The following PRELID2 variants were observed in gnomAD, a reference collection of about 807,000 sequenced individuals.
PRELID2 encodes PRELI domain-containing protein 2.
PRELID2 carries 25 observed loss-of-function variants against 28.4 expected under a neutral mutation model. That is an observed-to-expected ratio of 0.88 (90% confidence interval 0.64 to 1.23). The LOEUF is 1.23. PRELID2 is among the 50% of genes most tolerant of loss of function. The pLI is 0.00. For missense variants in PRELID2, 201 were observed against 214.4 expected, an observed-to-expected ratio of 0.94 and a Z score of 0.39; for synonymous variants, 76 against 71.6, an observed-to-expected ratio of 1.06 and a Z score of -0.31.
At chr5:145,314,953 T>A in the PRELID2 span, among the ~76,000 whole-genome samples, 4 of 152,028 alleles carry the variant, frequency 2.6e-5, no homozygotes, top group African/African-American at 4.8e-5. Flanking sequence ...TTCTAATTTT[T>A]ATTGTATGGC....
At chr5:145,292,595 A>C in the PRELID2 span, among the ~76,000 whole-genome samples, 1 of 152,198 alleles carries the variant, frequency 6.6e-6, no homozygotes, top group African/African-American at 2.4e-5. Context: ...AATTCAGTGA[A>C]TAACGTAAGG....
the PRELID2 span, among the ~76,000 whole-genome samples, chr5:145,355,373 T>A: frequency 6.6e-6 from 1 of 152,166 alleles, no homozygotes; most frequent in Non-Finnish European, 1.5e-5. Flanking sequence ...AAGTATTTTT[T>A]AAGAATTTTT....
At chr5:145,348,093 A>G in the PRELID2 span, among the ~76,000 whole-genome samples, 2 of 152,166 alleles carry the variant, frequency 1.3e-5, no homozygotes, top group African/African-American at 4.8e-5. Flanking sequence ...GAGGTCCTCT[A>G]TGTCAGCAAG....
At chr5:145,445,719 G>A in the PRELID2 span, among the ~76,000 whole-genome samples, 11 of 137,880 alleles carry the variant, frequency 8.0e-5, no homozygotes, top group East Asian at 1.0e-3. Context: ...ATGGGCAAAC[G>A]ATCTGAACAG....
intron 1 of PRELID2, among the ~76,000 whole-genome samples, chr5:145,500,519 G>A (rs573464841): frequency 2.6e-5 from 4 of 152,234 alleles, no homozygotes; most frequent in African/African-American, 9.6e-5. Flanking sequence ...TCAACTTTCT[G>A]AGCTCTGTAA....
At chr5:145,413,597 G>A in the PRELID2 span, among the ~76,000 whole-genome samples, 40 of 144,540 alleles carry the variant, frequency 2.8e-4, no homozygotes, top group East Asian at 7.4e-3. Context: ...CAACCAACAA[G>A]TGGATGAAGA....
the PRELID2 span, among the ~76,000 whole-genome samples, chr5:145,439,364 C>T: frequency 1.2e-4 from 18 of 152,018 alleles, no homozygotes; most frequent in Non-Finnish European, 2.4e-4. Flanking sequence ...TCACATGGGT[C>T]ATGTTCTCTA....
intron 2 of PRELID2, 137 bp from the exon 3 acceptor site, chr5:145,820,155 G>A: frequency 1.7e-6 from 1 of 592,754 alleles, no homozygotes; most frequent in Non-Finnish European, 3.0e-6. Context: ...AGGCTGGAGT[G>A]CAATGGCACG....
chr5:145,465,341 A>G, the PRELID2 span, among the ~76,000 whole-genome samples: 1 of 152,152 alleles, frequency 6.6e-6, no homozygotes. Flanking sequence ...CAGTCACTAT[A>G]TCCAAAAGTC....
chr5:145,656,645 C>G (rs571062394), intron 1 of PRELID2, among the ~76,000 whole-genome samples: 1 of 150,990 alleles, frequency 6.6e-6, no homozygotes, highest in East Asian at 2.0e-4. Flanking sequence ...AGCAAACTAT[C>G]GCAAGGACAA....
Position 145,796,467 on chromosome 5 carries a change from G to A in PRELID2, c.449C>T (p.Thr150Ile), listed in dbSNP as rs1170995608. Residue 150 changes from threonine to isoleucine, a missense_variant, in exon 5 of 7, where the codon ACA becomes ATA. Coordinates refer to ENST00000683046, the MANE Select transcript of PRELID2 (RefSeq NM_205846.3). ...CTTCTGGGCTCCCTGTCGTAAGAATGTGCTGGCAAAAGTTTCTAAAACACA... is the reference window on the plus strand; with the variant it reads ...CTTCTGGGCTCCCTGTCGTAAGAATATGCTGGCAAAAGTTTCTAAAACACA... ...LNCVLETFAS[T>I]FLRQGAQKGI... The A allele has an allele frequency of 6.2e-7, 1 of 1,610,258 alleles. No homozygotes were observed. The highest frequency in any genetic ancestry group is 1.3e-5 in the African/African-American group (1 of 74,854).
chr5:145,715,946 A>T (rs946712687), intron 1 of PRELID2, among the ~76,000 whole-genome samples: 1 of 152,208 alleles, frequency 6.6e-6, no homozygotes, highest in Non-Finnish European at 1.5e-5. Flanking sequence ...AGGTCTAACC[A>T]AGCTTGTCCA....
chr5:145,508,061 C>A (rs537446931), intron 1 of PRELID2, among the ~76,000 whole-genome samples: 2 of 152,026 alleles, frequency 1.3e-5, no homozygotes, highest in African/African-American at 4.8e-5. Context: ...TAAAGATTAC[C>A]AAAATTTAGT....
At chr5:145,518,908 C>T (rs1241320733) in intron 1 of PRELID2, among the ~76,000 whole-genome samples, 3 of 152,320 alleles carry the variant, frequency 2.0e-5, no homozygotes, top group African/African-American at 7.2e-5. Context: ...GGTTGAGAAA[C>T]TTGCTCTATG....
chr5:145,269,891 TACAC>T, the PRELID2 span, among the ~76,000 whole-genome samples: 6 of 148,644 alleles, frequency 4.0e-5, no homozygotes, highest in African/African-American at 7.4e-5. Flanking sequence ...TATATATGTA[TACAC>T]ACACATACAT....
intron 1 of PRELID2, among the ~76,000 whole-genome samples, chr5:145,694,206 C>T (rs1029199983): frequency 1.3e-5 from 2 of 152,154 alleles, no homozygotes; most frequent in African/African-American, 4.8e-5. Flanking sequence ...TTCTTGTTAA[C>T]ATTTACAGTA....
At chr5:145,656,611 A>T (rs1002202463) in intron 1 of PRELID2, among the ~76,000 whole-genome samples, 1 of 152,098 alleles carries the variant, frequency 6.6e-6, no homozygotes, top group Non-Finnish European at 1.5e-5. Flanking sequence ...AGAGACATGG[A>T]TGAAGCTGGA....
chr5:145,394,023 C>T, the PRELID2 span, among the ~76,000 whole-genome samples: 65 of 152,070 alleles, frequency 4.3e-4, no homozygotes, highest in Non-Finnish European at 8.4e-4. Context: ...GTCAGTGTGG[C>T]GATTCCTCAG....
the PRELID2 span, among the ~76,000 whole-genome samples, chr5:145,294,858 G>C: frequency 2.0e-5 from 3 of 151,988 alleles, no homozygotes; most frequent in Admixed American, 2.0e-4. Flanking sequence ...AACTATACTG[G>C]CCTCAAAATG....
Sources: gnomAD v4.1 joint callset for allele counts (sites outside exome capture counted in the v4.1 genomes callset) on GRCh38, gnomAD v4.1.1 for gene constraint, MANE v1.5 for transcripts, NCBI Gene and HGNC (gene_info 2026-07-23, HGNC 2026-07-21) for gene names.